Variants in MDGA2 observed in about 807,000 individuals in gnomAD.
The protein encoded by MDGA2 is MAM domain-containing glycosylphosphatidylinositol anchor protein 2.
A neutral mutation model predicts 117.8 loss-of-function variants in MDGA2; 40 were observed. That is an observed-to-expected ratio of 0.34 (90% CI 0.26 to 0.44). MDGA2 has a LOEUF of 0.44. Among genes scored for constraint, MDGA2 ranks in the 20% least tolerant of loss-of-function variants. The pLI, the probability that MDGA2 is intolerant of heterozygous loss-of-function variation, is 1.00. For missense variants in MDGA2, 1,123 were observed against 1,250.6 expected (o/e 0.90, Z 1.54); for synonymous variants, 452 against 439.0 (o/e 1.03, Z -0.37).
At chr14:46,907,150 T>A (rs920873332) in intron 10 of MDGA2, among the ~76,000 whole-genome samples, 1 of 152,002 alleles carries the variant, frequency 6.6e-6, no homozygotes, top group Non-Finnish European at 1.5e-5. Context: ...CTAATTTTTG[T>A]ATTTTTAGTA....
At chr14:47,610,586 A>G (rs1415113947) in intron 1 of MDGA2, among the ~76,000 whole-genome samples, 1 of 151,880 alleles carries the variant, frequency 6.6e-6, no homozygotes, top group African/African-American at 2.4e-5. Flanking sequence ...AAACAACAAC[A>G]ACAACAACAA....
chr14:47,600,942 C>T (rs769726691), intron 1 of MDGA2, among the ~76,000 whole-genome samples: 4 of 152,134 alleles, frequency 2.6e-5, no homozygotes, highest in Non-Finnish European at 4.4e-5. Context: ...TAATATAGCA[C>T]TTTCTTACAA....
chr14:47,054,992 T>G (rs1396431266), intron 7 of MDGA2, among the ~76,000 whole-genome samples: 1 of 122,638 alleles, frequency 8.2e-6, no homozygotes, highest in Non-Finnish European at 1.6e-5. Context: ...GTCCAATTTT[T>G]TTTTCTTTTC....
intron 9 of MDGA2, among the ~76,000 whole-genome samples, chr14:46,946,407 C>T (rs150675059): frequency 1.0e-3 from 156 of 152,040 alleles, no homozygotes; most frequent in Non-Finnish European, 1.7e-3. Context: ...AAAAAAATGA[C>T]CTTTTCAAAG....
chr14:47,490,123 C>T (rs1169584022), intron 1 of MDGA2, among the ~76,000 whole-genome samples: 1 of 152,014 alleles, frequency 6.6e-6, no homozygotes, highest in Non-Finnish European at 1.5e-5. Flanking sequence ...AAGTGAATGC[C>T]TACAATAGTG....
At chr14:46,983,919 A>G (rs1040281356) in intron 8 of MDGA2, among the ~76,000 whole-genome samples, 1 of 151,962 alleles carries the variant, frequency 6.6e-6, no homozygotes, top group Admixed American at 6.6e-5. Flanking sequence ...TTAATATTAT[A>G]ATTAACATGA....
intron 3 of MDGA2, among the ~76,000 whole-genome samples, chr14:47,147,863 C>T (rs566899374): frequency 3.9e-5 from 6 of 152,250 alleles, no homozygotes; most frequent in Admixed American, 1.3e-4. Context: ...TCTCACCCTG[C>T]GCTAGTACAT....
At chr14:47,314,650 C>G (rs1417958383) in intron 1 of MDGA2, among the ~76,000 whole-genome samples, 2 of 151,684 alleles carry the variant, frequency 1.3e-5, no homozygotes, top group East Asian at 3.9e-4. Flanking sequence ...TACACTCCAA[C>G]TTGGGTGACA....
intron 5 of MDGA2, among the ~76,000 whole-genome samples, chr14:47,122,122 T>G (rs1239867728): frequency 6.6e-6 from 1 of 151,994 alleles, no homozygotes; most frequent in Non-Finnish European, 1.5e-5. Context: ...TAAATAAATG[T>G]GAAATTTTAT....
At chr14:47,344,408 T>C (rs917109534) in intron 1 of MDGA2, among the ~76,000 whole-genome samples, 9 of 152,122 alleles carry the variant, frequency 5.9e-5, no homozygotes, top group Non-Finnish European at 1.2e-4. Flanking sequence ...TTAAAATAGT[T>C]GATTCTTCCC....
At chr14:47,582,830 T>C (rs7142455) in intron 1 of MDGA2, among the ~76,000 whole-genome samples, 5,367 of 151,964 alleles carry the variant, frequency 0.035, 323 homozygotes, top group African/African-American at 0.12. Context: ...TGATATAGAA[T>C]TATTCAAAAC....
At chr14:47,445,640 A>G (rs1340230722) in intron 1 of MDGA2, among the ~76,000 whole-genome samples, 1 of 152,214 alleles carries the variant, frequency 6.6e-6, no homozygotes, top group Non-Finnish European at 1.5e-5. Context: ...TAATTTCTTA[A>G]TTTGTATTCT....
At chr14:46,850,596 A>G (rs1881019809) in intron 15 of MDGA2, among the ~76,000 whole-genome samples, 2 of 151,922 alleles carry the variant, frequency 1.3e-5, no homozygotes, top group Non-Finnish European at 2.9e-5. Flanking sequence ...TAGCATTAAT[A>G]ATGTTATCTT....
intron 1 of MDGA2, among the ~76,000 whole-genome samples, chr14:47,481,265 A>G (rs1893949416): frequency 6.6e-6 from 1 of 152,038 alleles, no homozygotes; most frequent in South Asian, 2.1e-4. Context: ...GGAAAAAAAT[A>G]ATTTCAACTT....
chr14:47,128,316 A>G (rs994184370), intron 5 of MDGA2, among the ~76,000 whole-genome samples: 2 of 152,152 alleles, frequency 1.3e-5, no homozygotes, highest in South Asian at 4.1e-4. Flanking sequence ...TAAAGATTTT[A>G]AAAATTAATA....
chr14:47,412,674 G>A (rs1466680049), intron 1 of MDGA2, among the ~76,000 whole-genome samples: 2 of 152,216 alleles, frequency 1.3e-5, no homozygotes, highest in African/African-American at 2.4e-5. Flanking sequence ...TTTGACAGTA[G>A]ATTTACAGAG....
rs138311592 is a variant in MDGA2, at chr14:47,210,221, C to T, written c.595+7800G>A. Among the ~76,000 whole-genome samples the T allele has an allele frequency of 2.6e-5, 4 of 152,214 alleles. No homozygotes were observed. In the East Asian group the frequency reaches 5.8e-4, roughly 22 times the overall value. ...TTGTTCTGAACATAATGAAATGCAG[C>T]AATCTACCTAAGTGACATGAAAGTA... On this transcript the variant is annotated intron_variant, in intron 3 of 16. Transcript: ENST00000399232.
At chr14:47,447,700 C>G (rs994059917) in intron 1 of MDGA2, among the ~76,000 whole-genome samples, 1 of 152,150 alleles carries the variant, frequency 6.6e-6, no homozygotes, top group Admixed American at 6.5e-5. Context: ...GATCCATTAT[C>G]ATCCATGGGA....
chr14:47,114,225 A>G (rs1272736189), intron 5 of MDGA2, among the ~76,000 whole-genome samples: 1 of 152,202 alleles, frequency 6.6e-6, no homozygotes, highest in African/African-American at 2.4e-5. Context: ...AGGGAAGTTA[A>G]CGACCTCTTC....
Sources: gnomAD v4.1 joint callset for allele counts (sites outside exome capture counted in the v4.1 genomes callset) on GRCh38, gnomAD v4.1.1 for gene constraint, MANE v1.5 for transcripts, NCBI Gene and HGNC (gene_info 2026-07-23, HGNC 2026-07-21) for gene names.